Variants in PARD3B observed in about 807,000 individuals in gnomAD.
PARD3B encodes the protein par-3 family cell polarity regulator beta, also known as partitioning defective 3 homolog B.
PARD3B carries 103 observed loss-of-function variants against 130.2 expected under a neutral mutation model. The observed-to-expected ratio is 0.79, with a 90% CI of 0.67 to 0.93. PARD3B has a LOEUF of 0.93. PARD3B is among the 40% of genes least tolerant of loss of function. The probability of loss-of-function intolerance (pLI) is 0.00; values close to 1 mark genes in which losing one functional copy is unlikely to be tolerated. For missense variants in PARD3B, 1,609 were observed against 1,499.2 expected, an observed-to-expected ratio of 1.07 and a Z score of -1.21; for synonymous variants, 583 against 553.2, an observed-to-expected ratio of 1.05 and a Z score of -0.76.
At position 204,692,573 on chromosome 2, in the gene PARD3B, A is replaced by C. The variant is rs567439266; in HGVS notation, c.222+6291A>C. Among the ~76,000 whole-genome samples, 34 of 152,042 alleles carry C rather than the reference A, an allele frequency of 2.2e-4. 1 individual carries two copies. The South Asian group carries it at 6.4e-3, about 29-fold the overall frequency. On this transcript the variant is annotated intron_variant, in intron 2 of 22. Transcript: ENST00000406610. The stretch of plus-strand genomic sequence containing the variant: ...TTTTATCAGTAAGATTTCCATCGCA[A>C]GCTAAAGTACCTATTTTAAAGCCAC...
At chr2:205,310,509 GC>G (rs1559647943) in intron 18 of PARD3B, among the ~76,000 whole-genome samples, 1 of 151,848 alleles carries the variant, frequency 6.6e-6, no homozygotes, top group Non-Finnish European at 1.5e-5. Context: ...CCATAGCCTA[GC>G]CTCTGGTGAC....
chr2:204,949,020 T>C (rs1308839729), intron 2 of PARD3B, among the ~76,000 whole-genome samples: 1 of 152,166 alleles, frequency 6.6e-6, no homozygotes, highest in East Asian at 1.9e-4. Context: ...TCATGAAACT[T>C]GCATGAAAGG....
intron 19 of PARD3B, among the ~76,000 whole-genome samples, chr2:205,427,865 A>G (rs1026608094): frequency 2.0e-5 from 3 of 152,338 alleles, no homozygotes; most frequent in South Asian, 4.1e-4. Context: ...ATACATATTT[A>G]GTGTAATATA....
intron 8 of PARD3B, among the ~76,000 whole-genome samples, chr2:205,123,419 G>C (rs192437119): frequency 6.6e-6 from 1 of 152,228 alleles, no homozygotes; most frequent in East Asian, 1.9e-4. Flanking sequence ...ATATCAAAAA[G>C]AGACATTGGA....
At chr2:204,684,495 G>A (rs1480240660) in intron 1 of PARD3B, among the ~76,000 whole-genome samples, 1 of 152,126 alleles carries the variant, frequency 6.6e-6, no homozygotes, top group African/African-American at 2.4e-5. Context: ...TATGTTGCTT[G>A]CGGCATGGCC....
chr2:204,706,086 G>C (rs1195653123), intron 2 of PARD3B, among the ~76,000 whole-genome samples: 1 of 152,100 alleles, frequency 6.6e-6, no homozygotes, highest in South Asian at 2.1e-4. Context: ...CTTTGCAAGG[G>C]TAAAATTTAT....
chr2:205,482,155 T>G (rs1406767979), intron 20 of PARD3B, among the ~76,000 whole-genome samples: 2 of 152,114 alleles, frequency 1.3e-5, no homozygotes, highest in East Asian at 3.9e-4. Flanking sequence ...TGGGAGTAAA[T>G]AGTATCCCCA....
At chr2:205,511,466 C>T (rs191054635) in intron 21 of PARD3B, among the ~76,000 whole-genome samples, 1 of 152,280 alleles carries the variant, frequency 6.6e-6, no homozygotes, top group Admixed American at 6.5e-5. Context: ...TCCCCCAAAC[C>T]ACAGCCGTTT....
rs1255665544 is a variant in PARD3B, at chr2:205,241,535, C to G, written c.2141-4243C>G. 6.6e-6 allele frequency among the ~76,000 whole-genome samples: 1 copy of G among 151,836 alleles called. No individual in the cohort carries two copies. Among genetic ancestry groups the G allele is most frequent in the Admixed American group, 6.6e-5 (1 of 15,232 alleles). ...AAGTAGTACCAGTCCTTGGGTAAAA[C>G]TGAAGGATAAGAAAGGGAATGAAAT... On this transcript the variant is annotated intron_variant, in intron 15 of 22. Transcript: ENST00000406610. This position sits in a 1 kb window ranked among gnomAD's most constrained non-coding sequence, Gnocchi z 4.2.
intron 3 of PARD3B, among the ~76,000 whole-genome samples, chr2:205,031,695 G>A (rs1697436836): frequency 6.6e-6 from 1 of 152,102 alleles, no homozygotes; most frequent in Admixed American, 6.6e-5. Flanking sequence ...ATAGCGTAAT[G>A]CAGTACTTAC....
chr2:204,596,182 C>T (rs956924918), intron 1 of PARD3B, among the ~76,000 whole-genome samples: 1 of 152,118 alleles, frequency 6.6e-6, no homozygotes, highest in Admixed American at 6.5e-5. Context: ...ACCATGATTT[C>T]CTCCTTTTTT....
At chr2:205,061,050 C>T (rs1700035770) in intron 4 of PARD3B, among the ~76,000 whole-genome samples, 1 of 152,212 alleles carries the variant, frequency 6.6e-6, no homozygotes, top group East Asian at 1.9e-4. Context: ...CTCCATAATA[C>T]TCCCTTTGAG....
intron 21 of PARD3B, among the ~76,000 whole-genome samples, chr2:205,512,060 A>G (rs530899828): frequency 6.6e-6 from 1 of 152,350 alleles, no homozygotes; most frequent in East Asian, 1.9e-4. Flanking sequence ...CACTTGAATC[A>G]AAGAAAACCC....
intron 20 of PARD3B, among the ~76,000 whole-genome samples, chr2:205,453,995 C>T (rs1338872582): frequency 2.0e-5 from 3 of 152,048 alleles, no homozygotes; most frequent in Non-Finnish European, 4.4e-5. Context: ...TCCCTTTCTC[C>T]CTCATTTATT....
At chr2:205,031,202 A>G (rs1215492802) in intron 3 of PARD3B, among the ~76,000 whole-genome samples, 2 of 152,150 alleles carry the variant, frequency 1.3e-5, no homozygotes, top group South Asian at 2.1e-4. Flanking sequence ...AATTCAACCT[A>G]TTTCATTTTG....
intron 18 of PARD3B, among the ~76,000 whole-genome samples, chr2:205,328,808 A>T (rs1411561905): frequency 6.6e-6 from 1 of 152,206 alleles, no homozygotes; most frequent in African/African-American, 2.4e-5. Flanking sequence ...TTCTTGAAGG[A>T]ACCATATCAT....
intron 2 of PARD3B, among the ~76,000 whole-genome samples, chr2:204,949,632 T>G (rs1689606509): frequency 6.6e-6 from 1 of 152,188 alleles, no homozygotes; most frequent in African/African-American, 2.4e-5. Context: ...TTTGTTTTCC[T>G]TTTAATTTTT....
At chr2:205,069,762 G>T (rs1209638195) in intron 4 of PARD3B, among the ~76,000 whole-genome samples, 1 of 152,050 alleles carries the variant, frequency 6.6e-6, no homozygotes, top group Non-Finnish European at 1.5e-5. Context: ...GGGACCAGTG[G>T]CTCCCTGGCA....
At chr2:205,370,122 G>A (rs1414281814) in intron 18 of PARD3B, among the ~76,000 whole-genome samples, 1 of 152,142 alleles carries the variant, frequency 6.6e-6, no homozygotes, top group African/African-American at 2.4e-5. Flanking sequence ...AAAAAGGCAG[G>A]AGTCACTTAG....
Sources: gnomAD v4.1 joint callset for allele counts (sites outside exome capture counted in the v4.1 genomes callset) on GRCh38, gnomAD v4.1.1 for gene constraint, Gnocchi (gnomAD v3.1) non-coding constraint, MANE v1.5 for transcripts, NCBI Gene and HGNC (gene_info 2026-07-23, HGNC 2026-07-21) for gene names.